The following SYNE2 variants were observed in gnomAD, a reference collection of about 807,000 sequenced individuals.
SYNE2 encodes nesprin-2.
SYNE2 carries 431 observed loss-of-function variants against 856.3 expected under a neutral mutation model. The ratio of observed to expected loss-of-function variants is 0.50; its 90% CI spans 0.47 to 0.55. The LOEUF (loss-of-function observed/expected upper bound fraction) is 0.55, where lower values mean the gene tolerates loss of function less well. Among genes scored for constraint, SYNE2 ranks in the 20% least tolerant of loss-of-function variants. The pLI is 0.00. For missense variants in SYNE2, 8,129 were observed against 8,023.2 expected (o/e 1.01, Z -0.50); for synonymous variants, 2,923 against 2,872.3 (o/e 1.02, Z -0.56).
At chr14:63,778,158 TCTC>T (rs1034649165) in intron 1 of SYNE2, among the ~76,000 whole-genome samples, 10 of 152,158 alleles carry the variant, frequency 6.6e-5, no homozygotes, top group Non-Finnish European at 1.3e-4. Flanking sequence ...CGCATCCTGT[TCTC>T]CTGATAGTGA....
chr14:64,095,668 A>G (rs1021854489), intron 61 of SYNE2, among the ~76,000 whole-genome samples: 1 of 152,214 alleles, frequency 6.6e-6, no homozygotes, highest in Admixed American at 6.5e-5. Context: ...AAACAGTAGC[A>G]TAAGTGCTTT....
chr14:64,025,256 A>G lies in SYNE2; in HGVS notation c.6087A>G (p.Leu2029=), dbSNP rs1227109600. 2 of 1,614,136 alleles carry G rather than the reference A, an allele frequency of 1.2e-6. No homozygotes were observed. Among genetic ancestry groups the G allele is most frequent in the Non-Finnish European group, 1.7e-6 (2 of 1,179,998 alleles). Residue 2029 remains leucine, a synonymous_variant, in exon 41 of 116, where the codon CTA becomes CTG. Coordinates refer to ENST00000555002, the MANE Select transcript of SYNE2 (RefSeq NM_182914.3). The part of the protein sequence containing the change: ...MDRYQTLLRQ[L]SEIEEEDKLL... Reference sequence around the variant, plus strand: ...GATACCAGACATTACTGAGACAACTAAGTGAAATCGAGGAAGAGGATAAGT... The same window carrying G: ...GATACCAGACATTACTGAGACAACTGAGTGAAATCGAGGAAGAGGATAAGT...
intron 10 of SYNE2, among the ~76,000 whole-genome samples, chr14:63,965,112 G>A (rs1026726174): frequency 6.6e-6 from 1 of 151,714 alleles, no homozygotes; most frequent in South Asian, 2.1e-4. Context: ...ACAGGCATCC[G>A]CCACCAGGCC....
chr14:63,783,500 C>T (rs1220495515), intron 1 of SYNE2, among the ~76,000 whole-genome samples: 1 of 152,172 alleles, frequency 6.6e-6, no homozygotes, highest in African/African-American at 2.4e-5. Flanking sequence ...GCCTCAGCCT[C>T]CTGAGTAGCT....
At chr14:63,901,345 A>G (rs1009110174) in intron 1 of SYNE2, among the ~76,000 whole-genome samples, 18 of 152,370 alleles carry the variant, frequency 1.2e-4, no homozygotes, top group African/African-American at 4.3e-4. Flanking sequence ...TGAACTAATA[A>G]TACCTTATTC....
In SYNE2 at chr14:63,978,752, G is replaced by T. The variant is rs1379709669; in HGVS notation, c.1407-100G>T. The stretch of plus-strand genomic sequence containing the variant: ...ACATCTGAGTTCCATGTGCTTAAAA[G>T]AAAAAGTTAAAGCCTCAATATTTTT... On this transcript the variant is annotated intron_variant, in intron 13 of 115. Coordinates refer to ENST00000555002, the MANE Select transcript of SYNE2 (RefSeq NM_182914.3). 1.1e-5 allele frequency: 11 copies of T among 1,038,296 alleles called. No homozygotes were observed. In the East Asian group the frequency reaches 2.3e-4, roughly 22 times the overall value. The allele number at this position is 1,038,296 out of a possible 1,614,324, so 64.3% of individuals were successfully genotyped here. A position where few individuals can be genotyped will look rare whatever the true frequency, so the allele number is the denominator to read the frequency against.
intron 11 of SYNE2, among the ~76,000 whole-genome samples, chr14:63,971,023 G>A (rs968215691): frequency 2.0e-5 from 3 of 151,424 alleles, no homozygotes; most frequent in Admixed American, 1.3e-4. Context: ...TTTGTTTATT[G>A]ACTTGGCTCT....
In SYNE2 at chr14:64,021,951, A is replaced by G. The variant is rs1274693902; in HGVS notation, c.5447A>G (p.Lys1816Arg). ...CLTPELSELK[K>R]QYESVSDLFN... Reference sequence around the variant, plus strand: ...ACTCCTGAACTCTCTGAATTGAAAAAGCAATATGAAAGTGTCAGTGATTTA... The same window carrying G: ...ACTCCTGAACTCTCTGAATTGAAAAGGCAATATGAAAGTGTCAGTGATTTA... The change falls in exon 37 of 116, where the codon AAG becomes AGG. Residue 1816 changes from lysine (K) to arginine (R), a missense_variant. Physicochemically the swap from Lys to Arg is conservative, Grantham distance 26. Transcript: ENST00000555002. 1.9e-6 allele frequency: 3 copies of G among 1,613,808 alleles called. No individual in the cohort carries two copies. Among genetic ancestry groups the G allele is most frequent in the Non-Finnish European group, 2.5e-6 (3 of 1,179,880 alleles).
intron 65 of SYNE2, among the ~76,000 whole-genome samples, chr14:64,108,170 G>A (rs2097783346): frequency 6.6e-6 from 1 of 152,078 alleles, no homozygotes; most frequent in African/African-American, 2.4e-5. Flanking sequence ...CCAACAGGCT[G>A]GTGAAACCCC....
At chr14:64,015,092 GTA>G (rs60076673) in intron 32 of SYNE2, among the ~76,000 whole-genome samples, 16 of 144,946 alleles carry the variant, frequency 1.1e-4, no homozygotes, top group African/African-American at 2.3e-4. Flanking sequence ...TATATAACGT[GTA>G]TATATATATA....
At chr14:63,770,813 A>G (rs1013494662) in intron 1 of SYNE2, among the ~76,000 whole-genome samples, 56 of 152,056 alleles carry the variant, frequency 3.7e-4, no homozygotes, top group Non-Finnish European at 5.7e-4. Flanking sequence ...ACTGTGCCCA[A>G]CCAAACATTT....
At chr14:63,921,980 A>T (rs957194153) in intron 2 of SYNE2, among the ~76,000 whole-genome samples, 1 of 152,176 alleles carries the variant, frequency 6.6e-6, no homozygotes, top group Non-Finnish European at 1.5e-5. Context: ...TATCCAAGAC[A>T]TAGTAGGCTT....
intron 68 of SYNE2, among the ~76,000 whole-genome samples, chr14:64,121,657 G>A (rs2097899605): frequency 6.6e-6 from 1 of 152,216 alleles, no homozygotes; most frequent in African/African-American, 2.4e-5. Flanking sequence ...TTTGCTTTCA[G>A]CTGCTAACAC....
At chr14:63,972,475 C>T (rs1347775283) in intron 11 of SYNE2, among the ~76,000 whole-genome samples, 1 of 152,044 alleles carries the variant, frequency 6.6e-6, no homozygotes, top group Non-Finnish European at 1.5e-5. Flanking sequence ...ATTTTAAAGT[C>T]ATTGAGGACA....
intron 63 of SYNE2, among the ~76,000 whole-genome samples, chr14:64,101,680 G>A (rs1055733901): frequency 1.6e-4 from 25 of 152,118 alleles, no homozygotes; most frequent in Admixed American, 1.2e-3. Flanking sequence ...AAAGATTTCC[G>A]TTGTGTGACG....
rs181222018 is a variant in SYNE2, at chr14:64,214,629, C to T, written c.19333+159C>T. On this transcript the variant is annotated intron_variant, in intron 106 of 115. Coordinates refer to ENST00000555002, the MANE Select transcript of SYNE2 (RefSeq NM_182914.3). ...TCTATCCTGCCCATCTCTTAACTTA[C>T]CTGAGAATTGGCTCACTCTCATCAC... is the stretch of plus-strand genomic sequence containing the variant. 11 of 691,810 alleles carry T rather than the reference C, an allele frequency of 1.6e-5. No homozygotes were observed. The Admixed American group carries it at 2.2e-4, about 14-fold the overall frequency. 42.9% of individuals were successfully genotyped at this position (691,810 alleles called of 1,614,324 possible). A position where few individuals can be genotyped will look rare whatever the true frequency, so the allele number is the denominator to read the frequency against.
intron 48 of SYNE2, among the ~76,000 whole-genome samples, chr14:64,054,104 T>A (rs1299718413): frequency 6.6e-6 from 1 of 152,236 alleles, no homozygotes; most frequent in Non-Finnish European, 1.5e-5. Flanking sequence ...TACAGAAAGA[T>A]AGCCATTTTC....
At chr14:64,142,413 G>A (rs1387327725) in intron 82 of SYNE2, among the ~76,000 whole-genome samples, 3 of 151,926 alleles carry the variant, frequency 2.0e-5, no homozygotes, top group Non-Finnish European at 2.9e-5. Context: ...ACTGTTCTTG[G>A]TGCTCTCCCT....
At chr14:64,136,602 TTAGA>T (rs2098092234) in intron 78 of SYNE2, among the ~76,000 whole-genome samples, 1 of 152,194 alleles carries the variant, frequency 6.6e-6, no homozygotes, top group Admixed American at 6.5e-5. Context: ...TCCAGCTGTG[TTAGA>T]TAATTACCTT....
Sources: gnomAD v4.1 joint callset for allele counts (sites outside exome capture counted in the v4.1 genomes callset) on GRCh38, gnomAD v4.1.1 for gene constraint, MANE v1.5 for transcripts, NCBI Gene and HGNC (gene_info 2026-07-23, HGNC 2026-07-21) for gene names.